CALN1: variants seen among roughly 807,000 people sequenced by gnomAD.
The protein encoded by CALN1 is calneuron 1, also known as calcium-binding protein 8.
In CALN1, 17 loss-of-function variants were observed where a neutral mutation model predicts 30.6. The observed-to-expected ratio is 0.56, with a 90% CI of 0.38 to 0.83. The LOEUF (loss-of-function observed/expected upper bound fraction) is 0.83, where lower values mean the gene tolerates loss of function less well. Ranked by LOEUF, CALN1 falls within the 40% of genes least tolerant of loss-of-function variation. CALN1 has a pLI of 0.00. For missense variants in CALN1, 291 were observed against 354.9 expected, an observed-to-expected ratio of 0.82 and a Z score of 1.45; for synonymous variants, 156 against 131.4, an observed-to-expected ratio of 1.19 and a Z score of -1.28.
At chr7:72,070,584 G>A (rs1804322357) in intron 4 of CALN1, among the ~76,000 whole-genome samples, 3 of 152,134 alleles carry the variant, frequency 2.0e-5, no homozygotes, top group Admixed American at 6.5e-5. Flanking sequence ...TCTTCTTCAA[G>A]GGATATGAAG....
intron 4 of CALN1, among the ~76,000 whole-genome samples, chr7:72,098,341 T>G (rs1806386886): frequency 6.6e-6 from 1 of 152,144 alleles, no homozygotes; most frequent in Non-Finnish European, 1.5e-5. Flanking sequence ...GAAATAACTT[T>G]TGCAGTGATG....
At chr7:72,446,540 C>T (rs1808532049) in intron 1 of CALN1, among the ~76,000 whole-genome samples, 2 of 152,122 alleles carry the variant, frequency 1.3e-5, no homozygotes, top group African/African-American at 2.4e-5. Flanking sequence ...GGACAGGTGT[C>T]GGCAAGATGT....
At chr7:72,188,704 A>T (rs927948468) in intron 3 of CALN1, among the ~76,000 whole-genome samples, 13 of 152,242 alleles carry the variant, frequency 8.5e-5, no homozygotes, top group African/African-American at 2.9e-4. Flanking sequence ...GTATGGAAAT[A>T]GAAAATTTAA....
chr7:71,848,295 C>G (rs1211887704), intron 5 of CALN1, among the ~76,000 whole-genome samples: 1 of 152,176 alleles, frequency 6.6e-6, no homozygotes, highest in Non-Finnish European at 1.5e-5. Flanking sequence ...TCTGTGCTTG[C>G]TAATCAAATT....
chr7:72,294,354 A>C (rs1006504168), intron 2 of CALN1, among the ~76,000 whole-genome samples: 6 of 152,192 alleles, frequency 3.9e-5, no homozygotes, highest in African/African-American at 1.4e-4. Context: ...AAGATGATGA[A>C]GGTCATTCTA....
chr7:72,306,277 A>G (rs887855680), intron 2 of CALN1, among the ~76,000 whole-genome samples: 1 of 152,186 alleles, frequency 6.6e-6, no homozygotes. Context: ...ACATAGCTAG[A>G]TCTTTTTCTT....
At chr7:71,807,038 C>CG (rs1394088666) in intron 6 of CALN1, among the ~76,000 whole-genome samples, 1 of 152,162 alleles carries the variant, frequency 6.6e-6, no homozygotes, top group Non-Finnish European at 1.5e-5. Flanking sequence ...GGACAAGGCA[C>CG]GCAGCTTAGG....
chr7:72,019,544 A>G (rs1433293739), intron 5 of CALN1, among the ~76,000 whole-genome samples: 1 of 152,208 alleles, frequency 6.6e-6, no homozygotes, highest in Non-Finnish European at 1.5e-5. Flanking sequence ...TTTGAGGGAA[A>G]CTGGCTGCCA....
At chr7:72,262,931 A>C (rs1315995530) in intron 3 of CALN1, among the ~76,000 whole-genome samples, 3 of 152,200 alleles carry the variant, frequency 2.0e-5, no homozygotes, top group Non-Finnish European at 4.4e-5. Context: ...GCTAAGACAC[A>C]AAGACTCACA....
chr7:72,345,637 G>A (rs1046070330), intron 2 of CALN1, among the ~76,000 whole-genome samples: 3 of 151,960 alleles, frequency 2.0e-5, no homozygotes, highest in African/African-American at 7.3e-5. Flanking sequence ...GAGAATTCTT[G>A]GGAAATTGGA....
At chr7:72,079,929 C>T (rs749708998) in intron 4 of CALN1, among the ~76,000 whole-genome samples, 4 of 152,002 alleles carry the variant, frequency 2.6e-5, no homozygotes, top group Admixed American at 6.6e-5. Flanking sequence ...TGCCACGATG[C>T]CCAGCTAATT....
At chr7:72,061,633 T>C (rs1803654504) in intron 4 of CALN1, among the ~76,000 whole-genome samples, 1 of 151,790 alleles carries the variant, frequency 6.6e-6, no homozygotes, top group Non-Finnish European at 1.5e-5. Flanking sequence ...AATGTGAGTC[T>C]TTCTCCTCTT....
chr7:72,291,236 C>T (rs1006524834), intron 2 of CALN1, among the ~76,000 whole-genome samples: 6 of 152,150 alleles, frequency 3.9e-5, no homozygotes, highest in Non-Finnish European at 7.4e-5. Flanking sequence ...TTAACCATTT[C>T]TGACTTATTT....
At chr7:72,055,254 G>A (rs957036697) in intron 4 of CALN1, among the ~76,000 whole-genome samples, 24 of 152,134 alleles carry the variant, frequency 1.6e-4, no homozygotes, top group African/African-American at 4.8e-4. Context: ...AGGGTGAGGC[G>A]GGGGTTCTGA....
intron 5 of CALN1, among the ~76,000 whole-genome samples, chr7:71,984,564 T>G (rs190579502): frequency 6.6e-6 from 1 of 152,166 alleles, no homozygotes; most frequent in Non-Finnish European, 1.5e-5. Context: ...CTCCAGTGAC[T>G]CATGAACATG....
chr7:72,135,045 C>G lies in CALN1; in HGVS notation c.245-28751G>C, dbSNP rs547300875. On this transcript the variant is annotated intron_variant, in intron 3 of 6. Transcript: ENST00000395275. The stretch of plus-strand genomic sequence containing the variant: ...CATAAGAAGCAACTCCGCATCCATT[C>G]AAGTTTGATCATGAGATTGCAGAAA... Among the ~76,000 whole-genome samples, 3 of 152,322 alleles carry G rather than the reference C, an allele frequency of 2.0e-5. No individual in the cohort carries two copies. The South Asian group carries it at 6.2e-4, about 32-fold the overall frequency.
At chr7:72,098,895 CTGGA>C (rs1018240049) in intron 4 of CALN1, among the ~76,000 whole-genome samples, 1 of 151,936 alleles carries the variant, frequency 6.6e-6, no homozygotes, top group Non-Finnish European at 1.5e-5. Context: ...CTGGGAATGT[CTGGA>C]TGGATCCGTG....
upstream of CALN1, among the ~76,000 whole-genome samples, chr7:72,413,599 A>G (rs1807318699): frequency 6.6e-6 from 1 of 151,164 alleles, no homozygotes; most frequent in Non-Finnish European, 1.5e-5. Flanking sequence ...TATACACACT[A>G]ACACATGCAC....
At chr7:72,159,287 G>C (rs1296041421) in intron 3 of CALN1, among the ~76,000 whole-genome samples, 2 of 152,202 alleles carry the variant, frequency 1.3e-5, no homozygotes, top group Non-Finnish European at 2.9e-5. Flanking sequence ...ACTTGTGGTA[G>C]AGATTTAAAG....
Sources: gnomAD v4.1 joint callset for allele counts (sites outside exome capture counted in the v4.1 genomes callset) on GRCh38, gnomAD v4.1.1 for gene constraint, MANE v1.5 for transcripts, NCBI Gene and HGNC (gene_info 2026-07-23, HGNC 2026-07-21) for gene names.